PLXDC2: variants seen among roughly 807,000 people sequenced by gnomAD.
PLXDC2 encodes the protein plexin domain-containing protein 2.
A neutral mutation model predicts 68.9 loss-of-function variants in PLXDC2; 40 were observed. The ratio of observed to expected loss-of-function variants is 0.58; its 90% confidence interval spans 0.45 to 0.76. The LOEUF is 0.76. Ranked by LOEUF, PLXDC2 falls within the 30% of genes least tolerant of loss-of-function variation. The probability of loss-of-function intolerance (pLI) is 0.00; values close to 1 mark genes in which losing one functional copy is unlikely to be tolerated. For missense variants in PLXDC2, 644 were observed against 661.9 expected, an observed-to-expected ratio of 0.97 and a Z score of 0.30; for synonymous variants, 243 against 234.2, an observed-to-expected ratio of 1.04 and a Z score of -0.34.
At chr10:20,192,370 T>C (rs1834778317) in intron 9 of PLXDC2, among the ~76,000 whole-genome samples, 1 of 152,036 alleles carries the variant, frequency 6.6e-6, no homozygotes, top group Non-Finnish European at 1.5e-5. Flanking sequence ...CAATGGCATG[T>C]TATAAAAGAT....
At chr10:20,073,320 T>A (rs1267321529) in intron 4 of PLXDC2, among the ~76,000 whole-genome samples, 2 of 152,214 alleles carry the variant, frequency 1.3e-5, no homozygotes, top group African/African-American at 2.4e-5. Context: ...CAGACACAAA[T>A]TTAACATTGA....
At position 20,255,870 on chromosome 10, in the gene PLXDC2, A is replaced by G. The variant is rs905703876; in HGVS notation, c.1473+10365A>G. 1.8e-4 allele frequency among the ~76,000 whole-genome samples: 27 copies of G among 152,122 alleles called. 1 individual carries two copies. The highest frequency in any genetic ancestry group is 2.9e-5 in the Non-Finnish European group (2 of 68,002). On this transcript the variant is annotated intron_variant, in intron 13 of 13. Transcript: ENST00000377252. Reference sequence around the variant, plus strand: ...AAATGGATTAAGATTATTTTACTATATGATCTTGTGGTAATCCCTTTATAA... The same window carrying G: ...AAATGGATTAAGATTATTTTACTATGTGATCTTGTGGTAATCCCTTTATAA...
intron 13 of PLXDC2, 146 bp from the exon 14 acceptor site, chr10:20,279,555 TTC>T (rs1487664624): frequency 1.5e-6 from 1 of 661,644 alleles, no homozygotes; most frequent in Non-Finnish European, 2.6e-6. Flanking sequence ...ATAAGGGGAA[TTC>T]TTAATTCTGA....
At chr10:20,167,579 G>T (rs1834391775) in intron 7 of PLXDC2, among the ~76,000 whole-genome samples, 1 of 152,048 alleles carries the variant, frequency 6.6e-6, no homozygotes, top group South Asian at 2.1e-4. Flanking sequence ...CCACCAAGTG[G>T]ATTTAGGGAA....
intron 1 of PLXDC2, among the ~76,000 whole-genome samples, chr10:19,940,562 CAA>C (rs1833802347): frequency 7.2e-6 from 1 of 138,598 alleles, no homozygotes; most frequent in East Asian, 2.1e-4. Context: ...AAAAAAAAAA[CAA>C]ACAATTTTTC....
At chr10:20,201,935 G>C (rs771363621) in intron 9 of PLXDC2, among the ~76,000 whole-genome samples, 1 of 152,046 alleles carries the variant, frequency 6.6e-6, no homozygotes, top group Non-Finnish European at 1.5e-5. Context: ...AACCATCTTA[G>C]CACTGGGATA....
intron 3 of PLXDC2, among the ~76,000 whole-genome samples, chr10:20,056,528 A>G (rs1437481545): frequency 6.6e-6 from 1 of 152,174 alleles, no homozygotes; most frequent in East Asian, 1.9e-4. Flanking sequence ...GCATATTACT[A>G]ATAATTGAAT....
chr10:20,143,256 T>A (rs1173394891), intron 4 of PLXDC2, 39 bp from the exon 5 acceptor site: 1 of 1,571,934 alleles, frequency 6.4e-7, no homozygotes, highest in Non-Finnish European at 8.6e-7. Context: ...TTATATGGGC[T>A]TCTTTTTCTG....
At chr10:20,114,182 A>C (rs1280602283) in intron 4 of PLXDC2, among the ~76,000 whole-genome samples, 1 of 151,854 alleles carries the variant, frequency 6.6e-6, no homozygotes, top group Admixed American at 6.6e-5. Flanking sequence ...TCTTTGTTGA[A>C]CTCTTCAGTG....
chr10:20,081,285 G>A (rs968875702), intron 4 of PLXDC2, among the ~76,000 whole-genome samples: 2 of 151,980 alleles, frequency 1.3e-5, no homozygotes, highest in African/African-American at 4.8e-5. Context: ...TCCAGGGAGG[G>A]GAATAGGAAG....
At chr10:19,989,751 ATTT>A (rs60357358) in intron 1 of PLXDC2, among the ~76,000 whole-genome samples, 7 of 127,766 alleles carry the variant, frequency 5.5e-5, no homozygotes, top group East Asian at 2.2e-4. Context: ...ACTTATGTGA[ATTT>A]TTTTTTTTTT....
At chr10:20,055,676 G>C (rs1313275032) in intron 3 of PLXDC2, among the ~76,000 whole-genome samples, 1 of 152,008 alleles carries the variant, frequency 6.6e-6, no homozygotes, top group African/African-American at 2.4e-5. Flanking sequence ...ACTTGTCTTT[G>C]CTTGTAGGAT....
intron 4 of PLXDC2, among the ~76,000 whole-genome samples, chr10:20,132,772 A>T (rs901789406): frequency 0.011 from 29 of 2,714 alleles, 1 homozygote; most frequent in Middle Eastern, 0.5. Flanking sequence ...TTGATCTTTA[A>T]AAAAAAAAAA....
chr10:20,166,581 A>G (rs942336083), intron 7 of PLXDC2, among the ~76,000 whole-genome samples: 3 of 152,124 alleles, frequency 2.0e-5, no homozygotes, highest in Non-Finnish European at 4.4e-5. Flanking sequence ...CAATTATTGC[A>G]CAAGTAAAAA....
chr10:20,179,146 G>A (rs768152873), intron 9 of PLXDC2, among the ~76,000 whole-genome samples: 2 of 152,082 alleles, frequency 1.3e-5, no homozygotes, highest in Admixed American at 1.3e-4. Flanking sequence ...ACTGGTTTGA[G>A]CTGCATACCT....
chr10:19,819,639 G>A (rs1836427453), intron 1 of PLXDC2, among the ~76,000 whole-genome samples: 1 of 152,100 alleles, frequency 6.6e-6, no homozygotes, highest in South Asian at 2.1e-4. Flanking sequence ...GCCACCAGAG[G>A]GCAGATAAAC....
At chr10:19,987,823 C>T (rs1834673121) in intron 1 of PLXDC2, among the ~76,000 whole-genome samples, 1 of 152,178 alleles carries the variant, frequency 6.6e-6, no homozygotes, top group Admixed American at 6.5e-5. Context: ...CCGCCTTGAC[C>T]TCCCAAAGTG....
intron 1 of PLXDC2, among the ~76,000 whole-genome samples, chr10:19,825,569 C>G (rs1836555682): frequency 6.6e-6 from 1 of 152,120 alleles, no homozygotes; most frequent in Non-Finnish European, 1.5e-5. Flanking sequence ...CTTACAGTAG[C>G]AACTGCTTAC....
intron 1 of PLXDC2, among the ~76,000 whole-genome samples, chr10:19,978,768 C>T (rs957546649): frequency 6.6e-6 from 1 of 152,136 alleles, no homozygotes; most frequent in African/African-American, 2.4e-5. Flanking sequence ...GTTTTGATTA[C>T]AATTGGACCT....
Sources: allele counts gnomAD v4.1 joint callset (sites outside exome capture counted in the v4.1 genomes callset), GRCh38; gene constraint gnomAD v4.1.1; transcripts MANE v1.5; gene names NCBI Gene and HGNC (gene_info 2026-07-23, HGNC 2026-07-21).